Variants in NBEA observed in about 807,000 individuals in gnomAD.
NBEA encodes the protein lysosomal-trafficking regulator 2.
In NBEA, 44 loss-of-function variants were observed where a neutral mutation model predicts 343.4. The observed-to-expected ratio is 0.13, with a 90% CI of 0.10 to 0.16. The LOEUF (loss-of-function observed/expected upper bound fraction) is 0.16. Ranked by LOEUF, NBEA falls within the 10% of genes least tolerant of loss-of-function variation. The pLI, the probability that NBEA is intolerant of heterozygous loss-of-function variation, is 1.00. For missense variants in NBEA, 2,555 were observed against 3,631.3 expected, an observed-to-expected ratio of 0.70 and a Z score of 7.62; for synonymous variants, 1,175 against 1,238.7, an observed-to-expected ratio of 0.95 and a Z score of 1.08.
intron 56 of NBEA, among the ~76,000 whole-genome samples, chr13:35,666,226 G>A (rs780998467): frequency 1.3e-5 from 2 of 152,090 alleles, no homozygotes; most frequent in Non-Finnish European, 2.9e-5. Flanking sequence ...AGATAGATAG[G>A]TTTGGTTGTT....
chr13:35,383,581 A>G (rs1555248001), intron 38 of NBEA, among the ~76,000 whole-genome samples: 6 of 152,114 alleles, frequency 3.9e-5, no homozygotes, highest in Non-Finnish European at 1.5e-5. Flanking sequence ...ATGAGAGACC[A>G]TTGTGGGTGA....
chr13:35,295,026 CACT>C (rs987698808), intron 35 of NBEA, among the ~76,000 whole-genome samples: 5 of 148,730 alleles, frequency 3.4e-5, no homozygotes, highest in African/African-American at 1.2e-4. Flanking sequence ...ACATAACATA[CACT>C]AACACTAATG....
intron 5 of NBEA, 91 bp from the exon 6 acceptor site, chr13:35,050,178 A>AC (rs2063015646): frequency 4.9e-6 from 6 of 1,227,570 alleles, no homozygotes; most frequent in Admixed American, 2.6e-5. Flanking sequence ...ACAGGGAAAT[A>AC]AGTTTTATTT....
Position 35,048,546 on chromosome 13 carries a change from T to C in NBEA, c.724-17T>C, listed in dbSNP as rs1169603806. ...TCTTTAACTGATACTTTCGTACCTT[T>C]TCTCATTGCCTTGTAGGCAATTGCC... On this transcript the variant is annotated splice_polypyrimidine_tract_variant and intron_variant, in intron 4 of 58. Coordinates refer to ENST00000379939, the MANE Select transcript of NBEA (RefSeq NM_001385012.1). 1.9e-6 allele frequency: 3 copies of C among 1,599,382 alleles called. No homozygotes were observed. In the African/African-American group the frequency reaches 4.0e-5, roughly 22 times the overall value.
rs116550211 is a variant in NBEA at position 35,647,252 on chromosome 13, A to G, written c.7770+904A>G. Among the ~76,000 whole-genome samples, 1,437 of 152,192 alleles carry G rather than the reference A, an allele frequency of 9.4e-3. 19 individuals are homozygous for G. The highest frequency in any genetic ancestry group is 0.033 in the African/African-American group (1,368 of 41,522). ...TTTTTTTTAAAACTGATTTTTCACT[A>G]TTTTTTTACTGAAGTAAACAATTCT... On this transcript the variant is annotated intron_variant, in intron 51 of 58. Transcript: ENST00000379939.
At chr13:35,012,560 C>T (rs564372273) in intron 1 of NBEA, among the ~76,000 whole-genome samples, 10 of 152,168 alleles carry the variant, frequency 6.6e-5, no homozygotes, top group East Asian at 3.9e-4. Flanking sequence ...GTGAGATAGG[C>T]GGTGTTATTC....
Position 35,159,944 on chromosome 13 carries a change from G to A in NBEA, c.3773G>A (p.Gly1258Glu), listed in dbSNP as rs768307226. The A allele has an allele frequency of 3.8e-6, 6 of 1,594,024 alleles. No homozygotes were observed. The East Asian group carries it at 1.4e-4, about 36-fold the overall frequency. Residue 1258 changes from glycine (G) to glutamate (E), a missense_variant, in exon 22 of 59, where the codon GGA (glycine) becomes GAA (glutamate). Gly to Glu is a moderately conservative substitution (Grantham distance 98, BLOSUM62 -2). Transcript: ENST00000379939. Reference protein sequence around the residue: ...SSKIVPNIDAGSIISDTERSD... With the variant: ...SSKIVPNIDAESIISDTERSD... ...AAAATTGTACCAAATATTGATGCAG[G>A]AAGTATAATTTCAGATACTGAAAGG...
At chr13:35,640,240 A>G (rs1297283263) in intron 49 of NBEA, among the ~76,000 whole-genome samples, 3 of 152,214 alleles carry the variant, frequency 2.0e-5, no homozygotes, top group Non-Finnish European at 4.4e-5. Context: ...ATCTTTATTC[A>G]TAGAGGAGGT....
At chr13:34,988,513 T>C (rs2060639572) in intron 1 of NBEA, among the ~76,000 whole-genome samples, 1 of 150,908 alleles carries the variant, frequency 6.6e-6, no homozygotes, top group African/African-American at 2.4e-5. Context: ...CAGACCCCCC[T>C]GCCCCTGCCA....
rs1333343079 is a variant in NBEA, at chr13:35,124,733, T to C, written c.2336+1159T>C. Among the ~76,000 whole-genome samples the C allele has an allele frequency of 2.0e-5, 3 of 151,658 alleles. No homozygotes were observed. The South Asian group carries it at 6.2e-4, about 32-fold the overall frequency. On this transcript the variant is annotated intron_variant, in intron 17 of 58. Transcript: ENST00000379939. Reference sequence around the variant, plus strand: ...ATGTATGGATATATATACACATATGTATGGATATATACACACATATGTATG... The same window carrying C: ...ATGTATGGATATATATACACATATGCATGGATATATACACACATATGTATG...
chr13:35,539,131 A>G (rs143333828), intron 41 of NBEA, among the ~76,000 whole-genome samples: 4 of 152,344 alleles, frequency 2.6e-5, no homozygotes, highest in African/African-American at 9.6e-5. Context: ...GCTAAGTATG[A>G]AGAATGCAGA....
At chr13:35,645,418 ATACT>A (rs1374115331) in intron 49 of NBEA, among the ~76,000 whole-genome samples, 2 of 152,208 alleles carry the variant, frequency 1.3e-5, no homozygotes, top group African/African-American at 4.8e-5. Flanking sequence ...TATCGAGGAA[ATACT>A]TAAGTTTCTT....
intron 1 of NBEA, among the ~76,000 whole-genome samples, chr13:35,016,361 T>C (rs1264377646): frequency 1.3e-5 from 2 of 152,178 alleles, no homozygotes; most frequent in African/African-American, 4.8e-5. Flanking sequence ...TGTTAGAATC[T>C]GAGTATTACA....
intron 40 of NBEA, among the ~76,000 whole-genome samples, chr13:35,460,158 C>A (rs545335320): frequency 6.6e-6 from 1 of 152,118 alleles, no homozygotes; most frequent in Non-Finnish European, 1.5e-5. Flanking sequence ...CTCTAAAATG[C>A]GTTTTGCTCA....
At chr13:35,490,356 C>A (rs1464422424) in intron 41 of NBEA, among the ~76,000 whole-genome samples, 2 of 151,814 alleles carry the variant, frequency 1.3e-5, no homozygotes, top group Non-Finnish European at 2.9e-5. Flanking sequence ...GATAACAAAA[C>A]CCTTAAGGGC....
chr13:35,118,513 G>A, intron 16 of NBEA, 39 bp downstream of exon 16: 1 of 1,417,424 alleles, frequency 7.1e-7, no homozygotes, highest in Non-Finnish European at 9.7e-7. Context: ...AGACTTTAAT[G>A]GAGCACAGTT....
intron 1 of NBEA, among the ~76,000 whole-genome samples, chr13:34,947,094 T>C (rs918182373): frequency 2.9e-4 from 44 of 152,020 alleles, no homozygotes; most frequent in Admixed American, 1.5e-3. Context: ...TTTATGTTGA[T>C]ATATAAGCCT....
At chr13:35,185,630 T>A (rs1421887524) in intron 30 of NBEA, 1 of 152,104 alleles carries the variant, frequency 6.6e-6, no homozygotes, top group Admixed American at 6.6e-5. Context: ...CTGCCCAGAT[T>A]AAGGAGCCTA....
At chr13:35,029,709 CA>C (rs570576219) in intron 1 of NBEA, among the ~76,000 whole-genome samples, 1 of 151,646 alleles carries the variant, frequency 6.6e-6, no homozygotes, top group African/African-American at 2.4e-5. Flanking sequence ...ATACCTAAAA[CA>C]TACACAAAAG....
Sources: allele counts gnomAD v4.1 joint callset (sites outside exome capture counted in the v4.1 genomes callset), GRCh38; gene constraint gnomAD v4.1.1; transcripts MANE v1.5; gene names NCBI Gene and HGNC (gene_info 2026-07-23, HGNC 2026-07-21).